Variants in FRMD4A observed in about 807,000 individuals in gnomAD.
FRMD4A encodes the protein FERM domain containing 4A, also known as FERM domain-containing protein 4A.
FRMD4A carries 29 observed loss-of-function variants against 129.1 expected under a neutral mutation model. That is an observed-to-expected ratio of 0.22 (90% CI 0.17 to 0.31). The LOEUF (loss-of-function observed/expected upper bound fraction) is 0.31, where lower values mean the gene tolerates loss of function less well. FRMD4A is among the 10% of genes least tolerant of loss of function. The pLI is 1.00. For missense variants in FRMD4A, 1,272 were observed against 1,375.8 expected, an observed-to-expected ratio of 0.92 and a Z score of 1.19; for synonymous variants, 634 against 571.6, an observed-to-expected ratio of 1.11 and a Z score of -1.56.
chr10:14,314,326 A>T (rs1846658221), intron 2 of FRMD4A, among the ~76,000 whole-genome samples: 1 of 152,180 alleles, frequency 6.6e-6, no homozygotes, highest in Non-Finnish European at 1.5e-5. Flanking sequence ...GCATGGTGGA[A>T]GTCAGGCCAC....
intron 2 of FRMD4A, among the ~76,000 whole-genome samples, chr10:14,156,593 T>C (rs1161482494): frequency 1.3e-5 from 2 of 152,128 alleles, no homozygotes; most frequent in African/African-American, 4.8e-5. Context: ...CATGGAGACC[T>C]CCACTCTACT....
intron 2 of FRMD4A, among the ~76,000 whole-genome samples, chr10:14,064,875 G>A (rs544916968): frequency 3.3e-5 from 5 of 152,250 alleles, no homozygotes; most frequent in African/African-American, 9.6e-5. Context: ...ACCGCGCCCA[G>A]CCCTCTCTGC....
intron 2 of FRMD4A, among the ~76,000 whole-genome samples, chr10:14,117,228 G>A (rs769818213): frequency 3.0e-4 from 45 of 152,378 alleles, no homozygotes; most frequent in Non-Finnish European, 6.0e-4. Context: ...TCCAGAAGAA[G>A]GCAAGAGTCC....
At chr10:14,076,315 G>A (rs1443714600) in intron 2 of FRMD4A, among the ~76,000 whole-genome samples, 3 of 152,180 alleles carry the variant, frequency 2.0e-5, no homozygotes, top group Admixed American at 2.0e-4. Flanking sequence ...CTGGGTTAAA[G>A]CCATCATGTA....
At chr10:14,257,125 G>A (rs1194811654) in intron 2 of FRMD4A, among the ~76,000 whole-genome samples, 2 of 152,158 alleles carry the variant, frequency 1.3e-5, no homozygotes, top group African/African-American at 2.4e-5. Flanking sequence ...GAGATAAGGA[G>A]TTCGAGACCA....
chr10:14,300,308 C>T, intron 2 of FRMD4A, among the ~76,000 whole-genome samples: 1 of 152,162 alleles, frequency 6.6e-6, no homozygotes, highest in East Asian at 1.9e-4. Flanking sequence ...GTATGATGGG[C>T]TGATCTGAGC....
chr10:14,077,018 T>C (rs914039790), intron 2 of FRMD4A, among the ~76,000 whole-genome samples: 1 of 152,008 alleles, frequency 6.6e-6, no homozygotes, highest in Non-Finnish European at 1.5e-5. Flanking sequence ...AGATAGCTCT[T>C]GGGGGTTTTG....
At chr10:13,951,207 G>A (rs2095368162) in intron 2 of FRMD4A, among the ~76,000 whole-genome samples, 2 of 152,108 alleles carry the variant, frequency 1.3e-5, no homozygotes, top group Admixed American at 1.3e-4. Flanking sequence ...GTGATCCTTC[G>A]GGGAAGGAGG....
At chr10:14,138,701 A>G (rs1205081610) in intron 2 of FRMD4A, among the ~76,000 whole-genome samples, 1 of 152,014 alleles carries the variant, frequency 6.6e-6, no homozygotes, top group Non-Finnish European at 1.5e-5. Flanking sequence ...TGGAGGTTGC[A>G]GTGAGCCGAG....
intron 8 of FRMD4A, among the ~76,000 whole-genome samples, chr10:13,748,760 C>T (rs1361384300): frequency 6.6e-6 from 1 of 152,074 alleles, no homozygotes; most frequent in Non-Finnish European, 1.5e-5. Context: ...TATTGGAGCA[C>T]TTTGGATGTT....
chr10:14,100,015 A>C lies in FRMD4A; in HGVS notation c.45+230043T>G, dbSNP rs144598250. ...CTCTGTCCCTGCCATTTATACAAAC[A>C]CTGGGGTACAGCACAGATCTCTGGT... On this transcript the variant is annotated intron_variant, in intron 2 of 24. Transcript: ENST00000357447. 5.2e-3 allele frequency among the ~76,000 whole-genome samples: 799 copies of C among 152,208 alleles called. 10 individuals carry two copies. The highest frequency in any genetic ancestry group is 0.019 in the African/African-American group (775 of 41,516).
intron 2 of FRMD4A, among the ~76,000 whole-genome samples, chr10:14,284,470 A>G (rs562012645): frequency 1.4e-4 from 21 of 152,116 alleles, no homozygotes; most frequent in Non-Finnish European, 2.2e-4. Context: ...AACACGGTGA[A>G]ACCCCGTATC....
chr10:14,156,100 T>C (rs983853273), intron 2 of FRMD4A, among the ~76,000 whole-genome samples: 3 of 152,198 alleles, frequency 2.0e-5, no homozygotes, highest in African/African-American at 7.2e-5. Context: ...ATAGCAGTAT[T>C]GTTTGTAATG....
At chr10:14,210,172 T>C (rs1842896701) in intron 2 of FRMD4A, among the ~76,000 whole-genome samples, 1 of 152,066 alleles carries the variant, frequency 6.6e-6, no homozygotes, top group Non-Finnish European at 1.5e-5. Flanking sequence ...AAATCCTAAC[T>C]CCCAAAGTGA....
chr10:13,941,460 T>C (rs2131310057), intron 2 of FRMD4A, among the ~76,000 whole-genome samples: 1 of 152,320 alleles, frequency 6.6e-6, no homozygotes, highest in South Asian at 2.1e-4. Flanking sequence ...ACAGTGTGTA[T>C]GCAAAGCCAA....
chr10:14,300,041 G>A (rs1012593806), intron 2 of FRMD4A, among the ~76,000 whole-genome samples: 5 of 151,916 alleles, frequency 3.3e-5, no homozygotes, highest in Non-Finnish European at 7.4e-5. Context: ...AATCCAGAGA[G>A]GAACTCAGTC....
At chr10:14,096,779 A>T (rs1353338548) in intron 2 of FRMD4A, among the ~76,000 whole-genome samples, 7 of 152,150 alleles carry the variant, frequency 4.6e-5, no homozygotes, top group Non-Finnish European at 1.5e-5. Context: ...ACATTACAAC[A>T]ATGCATTCTT....
intron 2 of FRMD4A, among the ~76,000 whole-genome samples, chr10:14,011,824 C>A (rs79070950): frequency 6.6e-6 from 1 of 152,094 alleles, no homozygotes; most frequent in Non-Finnish European, 1.5e-5. Context: ...GCCTGGCCAA[C>A]ATAGTGAAAC....
chr10:14,162,581 G>A (rs1299905910), intron 2 of FRMD4A, among the ~76,000 whole-genome samples: 2 of 149,588 alleles, frequency 1.3e-5, no homozygotes, highest in African/African-American at 2.5e-5. Context: ...ACTTGGTCCT[G>A]TACCCCACTC....
Sources: allele counts gnomAD v4.1 joint callset (sites outside exome capture counted in the v4.1 genomes callset), GRCh38; gene constraint gnomAD v4.1.1; transcripts MANE v1.5; gene names NCBI Gene and HGNC (gene_info 2026-07-23, HGNC 2026-07-21).